PALD1: variants seen among roughly 807,000 people sequenced by gnomAD.
The protein encoded by PALD1 is paladin.
In PALD1, 57 loss-of-function variants were observed where a neutral mutation model predicts 96.0. The ratio of observed to expected loss-of-function variants is 0.59; its 90% CI spans 0.48 to 0.74. The LOEUF is 0.74. Among genes scored for constraint, PALD1 ranks in the 30% least tolerant of loss-of-function variants. PALD1 has a pLI of 0.00. For missense variants in PALD1, 1,063 were observed against 1,143.7 expected (o/e 0.93, Z 1.02); for synonymous variants, 464 against 473.6 (o/e 0.98, Z 0.26).
At chr10:70,517,898 TG>T (rs1332464920) in intron 1 of PALD1, among the ~76,000 whole-genome samples, 70 of 152,164 alleles carry the variant, frequency 4.6e-4, no homozygotes, top group African/African-American at 1.5e-3. Flanking sequence ...TTTTTGGGGT[TG>T]TTTTTTTTAT....
chr10:70,563,788 G>A (rs945713380), intron 18 of PALD1, among the ~76,000 whole-genome samples: 20 of 152,348 alleles, frequency 1.3e-4, no homozygotes, highest in South Asian at 4.1e-4. Flanking sequence ...GGTGGATTGA[G>A]GGGAGGAGAT....
At position 70,539,841 on chromosome 10, in the gene PALD1, A is replaced by G; in HGVS notation, c.1908+79A>G. ...TCTCCCCTCTGGTCTGGGCTCTGGG[A>G]GAATGAAACGACCCCAGCTTCTCTA... On this transcript the variant is annotated intron_variant, in intron 15 of 19. Transcript: ENST00000263563. The surrounding 1 kb of genome is among the most constrained non-coding windows in gnomAD (Gnocchi z 4.5). The G allele has an allele frequency of 7.8e-7, 1 of 1,282,134 alleles. No homozygotes were observed. The highest frequency in any genetic ancestry group is 1.3e-5 in the South Asian group (1 of 75,166). The allele number at this position is 1,282,134 out of a possible 1,614,324, so 79.4% of individuals were successfully genotyped here.
At chr10:70,474,801 C>T (rs1214477785), upstream of PALD1, among the ~76,000 whole-genome samples, 4 of 152,098 alleles carry the variant, frequency 2.6e-5, no homozygotes, top group East Asian at 1.9e-4. Flanking sequence ...AATATGATGC[C>T]GATAACTGAA....
intron 1 of PALD1, among the ~76,000 whole-genome samples, chr10:70,522,558 G>A (rs190304365): frequency 3.9e-5 from 6 of 152,294 alleles, no homozygotes; most frequent in East Asian, 1.9e-4. Flanking sequence ...TGTGAGCTCC[G>A]TGGGCACTGC....
intron 1 of PALD1, among the ~76,000 whole-genome samples, chr10:70,520,685 C>CTTTTTTTTT (rs10545684): frequency 4.6e-5 from 4 of 87,680 alleles, no homozygotes; most frequent in African/African-American, 8.1e-5. Flanking sequence ...TTCTTTCTTT[C>CTTTTTTTTT]TTTTTTTTTT....
At chr10:70,467,838 G>A in the PALD1 span, among the ~76,000 whole-genome samples, 1 of 152,054 alleles carries the variant, frequency 6.6e-6, no homozygotes, top group Non-Finnish European at 1.5e-5. Flanking sequence ...TGGGGAGTTA[G>A]ATTAACTCCT....
intron 18 of PALD1, among the ~76,000 whole-genome samples, chr10:70,560,493 C>T (rs542774352): frequency 6.6e-6 from 1 of 152,176 alleles, no homozygotes; most frequent in African/African-American, 2.4e-5. Context: ...ATGGGACAGT[C>T]CCGCCTCCTT....
At chr10:70,468,650 C>A in the PALD1 span, among the ~76,000 whole-genome samples, 1 of 150,144 alleles carries the variant, frequency 6.7e-6, no homozygotes, top group African/African-American at 2.5e-5. Context: ...TTCTTATGGA[C>A]GGGGTGTAGT....
the PALD1 span, among the ~76,000 whole-genome samples, chr10:70,471,826 G>A: frequency 1.3e-5 from 2 of 152,212 alleles, no homozygotes; most frequent in East Asian, 1.9e-4. Context: ...GTCTTCCAGC[G>A]CTTAGGTTCT....
At chr10:70,465,361 G>A in the PALD1 span, among the ~76,000 whole-genome samples, 1 of 152,186 alleles carries the variant, frequency 6.6e-6, no homozygotes, top group Non-Finnish European at 1.5e-5. Flanking sequence ...CTGAGGCTCA[G>A]AGAAGGGAAT....
intron 1 of PALD1, among the ~76,000 whole-genome samples, chr10:70,519,776 T>C (rs1030532876): frequency 3.9e-5 from 6 of 151,998 alleles, no homozygotes; most frequent in Non-Finnish European, 8.8e-5. Flanking sequence ...GGTTTCGCCA[T>C]GTTGGCCAGG....
intron 1 of PALD1, among the ~76,000 whole-genome samples, chr10:70,482,948 T>C (rs547674360): frequency 4.5e-4 from 68 of 152,184 alleles, no homozygotes; most frequent in African/African-American, 1.6e-3. Context: ...ACAGGACCAG[T>C]TGGTGGGAAG....
chr10:70,516,201 G>C (rs1846616103), intron 1 of PALD1, among the ~76,000 whole-genome samples: 1 of 152,158 alleles, frequency 6.6e-6, no homozygotes, highest in South Asian at 2.1e-4. Context: ...TGCGATCTCA[G>C]CTCATTGCAA....
At chr10:70,513,331 C>CA (rs796941984) in intron 1 of PALD1, among the ~76,000 whole-genome samples, 21 of 151,148 alleles carry the variant, frequency 1.4e-4, no homozygotes, top group South Asian at 2.1e-4. Flanking sequence ...CCCATCTCTG[C>CA]AAAAAAAATA....
chr10:70,557,594 C>T (rs1317545282), intron 18 of PALD1, among the ~76,000 whole-genome samples: 1 of 152,164 alleles, frequency 6.6e-6, no homozygotes, highest in Non-Finnish European at 1.5e-5. Flanking sequence ...GAAAAGCGTC[C>T]TGTACTGGGG....
At chr10:70,490,067 C>T (rs903119685) in intron 1 of PALD1, among the ~76,000 whole-genome samples, 8 of 152,156 alleles carry the variant, frequency 5.3e-5, no homozygotes, top group Non-Finnish European at 1.2e-4. Context: ...GGATCACAGG[C>T]ACCTGCCACC....
In PALD1 at chr10:70,557,790, A is replaced by G. The variant is rs541637305; in HGVS notation, c.2263-6574A>G. Among the ~76,000 whole-genome samples, 9 of 152,200 alleles carry G rather than the reference A, an allele frequency of 5.9e-5. No homozygotes were observed. The South Asian group carries it at 1.9e-3, about 32-fold the overall frequency. On this transcript the variant is annotated intron_variant, in intron 18 of 19. Transcript: ENST00000263563. ...ACCTCAGCTGGAGGCAGAGGTCACC[A>G]GGCCAGGTTTCTTTCTGTTGAGTGG...
Position 70,539,176 on chromosome 10 carries a change from G to A in PALD1, c.1654G>A (p.Val552Met), listed in dbSNP as rs115220270. The change falls in exon 14 of 20, where the codon GTG becomes ATG. Residue 552 changes from valine (V) to methionine (M), a missense_variant. Val to Met is a conservative substitution (Grantham distance 21). Transcript: ENST00000263563. The surrounding 1 kb of genome is among the most constrained non-coding windows in gnomAD (Gnocchi z 4.5). ...CTGGGTGAGCCTTCGGGAGGAGGCC[G>A]TGTTGGAGTGTGACGGGCACACCTA... is the stretch of plus-strand genomic sequence containing the variant. ...VVWVSLREEA[V>M]LECDGHTYSL... 4.7e-4 allele frequency: 755 copies of A among 1,613,142 alleles called. 4 individuals carry two copies. In the African/African-American group the frequency reaches 6.4e-3, roughly 14 times the overall value.
At chr10:70,487,492 GT>G (rs368833156) in intron 1 of PALD1, among the ~76,000 whole-genome samples, 25 of 148,316 alleles carry the variant, frequency 1.7e-4, no homozygotes, top group East Asian at 5.9e-4. Flanking sequence ...TATCTTCAAT[GT>G]TTTTTTTTTA....
Sources: allele counts gnomAD v4.1 joint callset (sites outside exome capture counted in the v4.1 genomes callset), GRCh38; gene constraint gnomAD v4.1.1; non-coding constraint Gnocchi (gnomAD v3.1); transcripts MANE v1.5; gene names NCBI Gene and HGNC (gene_info 2026-07-23, HGNC 2026-07-21).